Variants in BEST3 observed in about 807,000 individuals in gnomAD.
BEST3 encodes the protein bestrophin 3.
A neutral mutation model predicts 47.1 loss-of-function variants in BEST3; 50 were observed. That is an observed-to-expected ratio of 1.06 (90% CI 0.85 to 1.34). The LOEUF (loss-of-function observed/expected upper bound fraction) is 1.34. Among genes scored for constraint, BEST3 ranks in the 40% most tolerant of loss-of-function variants. The pLI is 0.00. For missense variants in BEST3, 765 were observed against 817.0 expected (o/e 0.94, Z 0.78); for synonymous variants, 282 against 298.8 (o/e 0.94, Z 0.58).
Position 69,655,218 on chromosome 12 carries a change from T to A in BEST3, c.1696A>T (p.Thr566Ser). The A allele has an allele frequency of 6.2e-7, 1 of 1,614,124 alleles. No homozygotes were observed. Among genetic ancestry groups the A allele is most frequent in the Non-Finnish European group, 8.5e-7 (1 of 1,180,012 alleles). ...ETPPGGPSPQ[T>S]VSASAEENIF... is the part of the protein sequence containing the mutation. ...TTTTCCTCAGCGCTGGCTGAAACTG[T>A]CTGGGGACTGGGGCCTCCAGGAGGT... The change falls in exon 10 of 10, where the codon ACA becomes TCA. Residue 566 changes from threonine to serine, a missense_variant. Transcript: ENST00000330891.
Position 69,671,594 on chromosome 12 carries a change from A to G in BEST3, c.949-15T>C. 6.2e-7 allele frequency: 1 copy of G among 1,611,044 alleles called. No homozygotes were observed. Among genetic ancestry groups the G allele is most frequent in the South Asian group, 1.1e-5 (1 of 90,688 alleles). ...AAAAGAGAGACCTAAAATCATTGTT[A>G]TATTGTTAGAATAACTCAGATGTAA... On this transcript the variant is annotated splice_polypyrimidine_tract_variant and intron_variant, in intron 8 of 9. Transcript: ENST00000330891.
In BEST3 at chr12:69,677,040, A is replaced by T; in HGVS notation, c.743T>A (p.Phe248Tyr). 6.2e-7 allele frequency: 1 copy of T among 1,614,232 alleles called. No homozygotes were observed. Among genetic ancestry groups the T allele is most frequent in the Non-Finnish European group, 8.5e-7 (1 of 1,180,034 alleles). ...CTGGCGTCCAATCAGGCACGCAAAG[A>T]AGAAGGTATAGACAGCAAGAGTGAC... ...QVVTLAVYTF[F>Y]FACLIGRQFL... The change falls in exon 7 of 10, where the codon TTC becomes TAC. Residue 248 changes from phenylalanine to tyrosine, a missense_variant. Physicochemically the swap from Phe to Tyr is conservative, Grantham distance 22. Transcript: ENST00000330891.
chr12:69,647,136 T>C (rs996083929), intron 9 of BEST3, among the ~76,000 whole-genome samples: 5 of 152,302 alleles, frequency 3.3e-5, no homozygotes, highest in Middle Eastern at 3.4e-3. Context: ...ATGCTGGCCA[T>C]TTGGTGTAAG....
chr12:69,680,969 T>C (rs1885223412), intron 4 of BEST3, among the ~76,000 whole-genome samples: 1 of 151,884 alleles, frequency 6.6e-6, no homozygotes, highest in Non-Finnish European at 1.5e-5. Context: ...AATATTTTAT[T>C]TAGCTAGTTC....
At chr12:69,684,128 C>T (rs886915553) in intron 4 of BEST3, 1 of 157,410 alleles carries the variant, frequency 6.4e-6, no homozygotes. Flanking sequence ...GCCATGCTCT[C>T]CTCAGGCCCC....
chr12:69,675,105 T>G (rs985958703), intron 7 of BEST3, among the ~76,000 whole-genome samples: 3 of 151,436 alleles, frequency 2.0e-5, no homozygotes, highest in African/African-American at 4.9e-5. Flanking sequence ...TGCCTTTTAA[T>G]ATTTTGTCTT....
At chr12:69,674,105 G>C (rs558898905) in intron 7 of BEST3, among the ~76,000 whole-genome samples, 1 of 152,084 alleles carries the variant, frequency 6.6e-6, no homozygotes, top group Admixed American at 6.6e-5. Flanking sequence ...GAGAGAGTTG[G>C]GGGAGAGGGA....
intron 7 of BEST3, among the ~76,000 whole-genome samples, chr12:69,674,892 C>CT (rs35297025): frequency 0.12 from 12,601 of 109,330 alleles, 769 homozygotes; most frequent in East Asian, 0.18. Context: ...TTAGGTTTGC[C>CT]TTTTTTTTTT....
chr12:69,667,441 G>T (rs1322034193), intron 9 of BEST3, among the ~76,000 whole-genome samples: 2 of 152,098 alleles, frequency 1.3e-5, no homozygotes, highest in Non-Finnish European at 2.9e-5. Flanking sequence ...GGGATTACAG[G>T]CTGTGCCACC....
At chr12:69,672,274 T>C (rs545683803) in intron 8 of BEST3, among the ~76,000 whole-genome samples, 8 of 152,184 alleles carry the variant, frequency 5.3e-5, no homozygotes, top group African/African-American at 1.9e-4. Flanking sequence ...AAATGAAAAA[T>C]GTGAAGGCCT....
intron 4 of BEST3, among the ~76,000 whole-genome samples, chr12:69,689,548 G>A (rs1033985635): frequency 5.9e-5 from 9 of 152,056 alleles, no homozygotes; most frequent in African/African-American, 9.7e-5. Flanking sequence ...ATTCCTGTGG[G>A]GACAAGATGT....
chr12:69,670,785 T>G (rs1156482928), intron 9 of BEST3, among the ~76,000 whole-genome samples: 1 of 152,146 alleles, frequency 6.6e-6, no homozygotes, highest in East Asian at 1.9e-4. Flanking sequence ...TTTTGTTTTG[T>G]TTTGTTTTTG....
chr12:69,658,414 G>C (rs991813804), intron 9 of BEST3, among the ~76,000 whole-genome samples: 2 of 152,112 alleles, frequency 1.3e-5, no homozygotes, highest in African/African-American at 4.8e-5. Context: ...ACTGCAAAAC[G>C]TCTGGTGCTC....
rs1396269742 is a variant in BEST3 at position 69,672,917 on chromosome 12, C to A, written c.916G>T (p.Glu306Ter). ...TTTCTGTCAATGCACCAGTTAGTTT[C>A]AAAATCATCATCATCTTCTCCAAAA... is the stretch of plus-strand genomic sequence containing the variant. ...NPFGEDDDDFETNWCIDRNLQ... is the reference protein window; with the variant it reads ...NPFGEDDDDF Residue 306 changes from glutamate (E) to a stop codon, truncating the protein, a stop_gained, in exon 8 of 10, where the codon GAA (glutamate) becomes TAA (stop). Coordinates refer to ENST00000330891, the MANE Select transcript of BEST3 (RefSeq NM_032735.3). LOFTEE classifies it high-confidence loss of function. The A allele has an allele frequency of 3.1e-6, 5 of 1,613,442 alleles. No individual in the cohort carries two copies. Among genetic ancestry groups the A allele is most frequent in the Non-Finnish European group, 4.2e-6 (5 of 1,179,848 alleles).
chr12:69,653,999 T>C lies in BEST3; in HGVS notation c.*908A>G, dbSNP rs1798278693. 2.0e-6 allele frequency: 2 copies of C among 985,278 alleles called. No homozygotes were observed. The highest frequency in any genetic ancestry group is 1.7e-5 in the African/African-American group (1 of 57,224). 61.0% of individuals were successfully genotyped at this position (985,278 alleles called of 1,614,324 possible). On this transcript the variant is annotated 3_prime_UTR_variant, in exon 10 of 10. Coordinates refer to ENST00000330891, the MANE Select transcript of BEST3 (RefSeq NM_032735.3). ...TTTTTCTCCAGTGCCCAACACCAAA[T>C]AGTGGAAGCAGAAAGAAATGTCAAT...
intron 4 of BEST3, among the ~76,000 whole-genome samples, chr12:69,690,376 T>G (rs984548850): frequency 1.3e-5 from 2 of 152,194 alleles, no homozygotes; most frequent in Non-Finnish European, 1.5e-5. Flanking sequence ...GAGTGGGCCT[T>G]TGTATTCTGA....
intron 9 of BEST3, among the ~76,000 whole-genome samples, chr12:69,664,213 A>T (rs1884043852): frequency 6.6e-6 from 1 of 152,222 alleles, no homozygotes; most frequent in Admixed American, 6.5e-5. Flanking sequence ...TTGGTGTTAA[A>T]GCTTATAAAA....
At chr12:69,650,827 TG>T (rs1320738661), downstream of BEST3, among the ~76,000 whole-genome samples, 4 of 151,578 alleles carry the variant, frequency 2.6e-5, no homozygotes, top group African/African-American at 9.7e-5. Context: ...TGAAGAACTA[TG>T]ACAAAAAACA....
chr12:69,660,752 G>GA (rs1186649995), intron 9 of BEST3: 1 of 152,206 alleles, frequency 6.6e-6, no homozygotes, highest in Non-Finnish European at 1.5e-5. Flanking sequence ...AGGAGAAAGA[G>GA]AAAAGGTTAT....
Sources: allele counts gnomAD v4.1 joint callset (sites outside exome capture counted in the v4.1 genomes callset), GRCh38; gene constraint gnomAD v4.1.1; transcripts MANE v1.5; gene names NCBI Gene and HGNC (gene_info 2026-07-23, HGNC 2026-07-21).